Variants in THOP1 observed in about 807,000 individuals in gnomAD.
THOP1 encodes the protein thimet oligopeptidase 1, also known as thimet oligopeptidase.
Under a neutral mutation model 71.8 loss-of-function variants are expected in THOP1, and 49 were observed. The ratio of observed to expected loss-of-function variants is 0.68; its 90% CI spans 0.54 to 0.87. The LOEUF is 0.87. Ranked by LOEUF, THOP1 falls within the 40% of genes least tolerant of loss-of-function variation. The pLI is 0.00. For synonymous variants in THOP1, 426 were observed against 421.5 expected, an observed-to-expected ratio of 1.01 and a Z score of -0.13; for missense variants, 843 against 975.6, an observed-to-expected ratio of 0.86 and a Z score of 1.81.
In THOP1 at chr19:2,785,829, C is replaced by G. The variant is rs533346004; in HGVS notation, c.16+151C>G. On this transcript the variant is annotated intron_variant, in intron 1 of 12. Transcript: ENST00000307741. ...AGCGGGGGAGGTGGACGACCCTGCT[C>G]TCTCGTTTGCCGAATGAATGAACCA... is the stretch of plus-strand genomic sequence containing the variant. The G allele has an allele frequency of 9.2e-5, 58 of 633,510 alleles. No homozygotes were observed. The Middle Eastern group carries it at 1.6e-3, about 17-fold the overall frequency. 39.2% of individuals were successfully genotyped at this position (633,510 alleles called of 1,614,324 possible).
chr19:2,815,292 A>G lies in THOP1; in HGVS notation c.*2016A>G. ...CACACACAGCCTGGCCCATCACAGCAGAGCTGGGGTCACAGCCTTGGGCTG... is the reference window on the plus strand; with the variant it reads ...CACACACAGCCTGGCCCATCACAGCGGAGCTGGGGTCACAGCCTTGGGCTG... On this transcript the variant is annotated 3_prime_UTR_variant, in exon 13 of 13. Coordinates refer to ENST00000307741, the MANE Select transcript of THOP1 (RefSeq NM_003249.5). 1 of 152,336 alleles carries G rather than the reference A, an allele frequency of 6.6e-6. No individual in the cohort carries two copies. The highest frequency in any genetic ancestry group is 1.9e-4 in the East Asian group (1 of 5,200). The allele number at this position is 152,336 out of a possible 1,614,324, so 9.4% of individuals were successfully genotyped here.
rs779633093 is a variant in THOP1 at position 2,807,079 on chromosome 19, G to T, written c.886+27G>T. The T allele has an allele frequency of 1.9e-6, 3 of 1,594,566 alleles. No homozygotes were observed. The East Asian group carries it at 6.7e-5, about 36-fold the overall frequency. ...TAGCCCTTCCTTCCTCCTCCACTGG[G>T]GTCCCTGTGGGGAAGGTTCTCAGGG... On this transcript the variant is annotated intron_variant, in intron 7 of 12. Transcript: ENST00000307741.
At chr19:2,800,290 A>G (rs1055212791) in intron 5 of THOP1, among the ~76,000 whole-genome samples, 2 of 152,124 alleles carry the variant, frequency 1.3e-5, no homozygotes, top group African/African-American at 4.8e-5. Flanking sequence ...GGTTCAAGTG[A>G]TTCTCCTGTC....
chr19:2,794,712 G>C (rs557682057), intron 2 of THOP1, 52 bp from the exon 3 acceptor site: 29 of 1,575,666 alleles, frequency 1.8e-5, no homozygotes, highest in African/African-American at 2.7e-5. Context: ...ACACCTGCCA[G>C]TTGTACTGGG....
chr19:2,805,297 C>T lies in THOP1; in HGVS notation c.750+121C>T. 1 of 1,250,116 alleles carries T rather than the reference C, an allele frequency of 8.0e-7. No homozygotes were observed. Among genetic ancestry groups the T allele is most frequent in the Non-Finnish European group, 1.1e-6 (1 of 924,116 alleles). The allele number at this position is 1,250,116 out of a possible 1,614,324, so 77.4% of individuals were successfully genotyped here. A position where few individuals can be genotyped will look rare whatever the true frequency, so the allele number is the denominator to read the frequency against. On this transcript the variant is annotated intron_variant, in intron 6 of 12. Transcript: ENST00000307741. The surrounding 1 kb of genome is among the most constrained non-coding windows in gnomAD (Gnocchi z 6.6). ...TTGGATGGCCTCCCAATCTCCCTGG[C>T]CAGGCCCAGTGGCCAGCAGAGGCCT...
intron 9 of THOP1, 89 bp from the exon 10 acceptor site, chr19:2,810,214 GT>G: frequency 6.7e-7 from 1 of 1,487,694 alleles, no homozygotes; most frequent in Non-Finnish European, 9.0e-7. Flanking sequence ...CACTCGCCCT[GT>G]TTGCACTGTG....
chr19:2,796,240 G>T, intron 4 of THOP1, 52 bp downstream of exon 4: 1 of 1,438,886 alleles, frequency 6.9e-7, no homozygotes, highest in South Asian at 1.2e-5. Flanking sequence ...CGATCCCGGG[G>T]AGTGCTGGGC....
rs1916523389 is a variant in THOP1, at chr19:2,813,095, G to C, written c.1909-20G>C. ...CTCCCTGGGTCCCCACCCGGCCACAGTGCCCTGTCTCCTCGGCAGGTTGGC... is the reference window on the plus strand; with the variant it reads ...CTCCCTGGGTCCCCACCCGGCCACACTGCCCTGTCTCCTCGGCAGGTTGGC... On this transcript the variant is annotated intron_variant, in intron 12 of 12. Coordinates refer to ENST00000307741, the MANE Select transcript of THOP1 (RefSeq NM_003249.5). The C allele has an allele frequency of 1.9e-6, 3 of 1,597,970 alleles. No individual in the cohort carries two copies. Among genetic ancestry groups the C allele is most frequent in the Non-Finnish European group, 2.6e-6 (3 of 1,170,524 alleles).
At chr19:2,812,013 C>A (rs1916488884) in intron 12 of THOP1, 2 of 1,028,226 alleles carry the variant, frequency 1.9e-6, no homozygotes, top group Non-Finnish European at 2.7e-6. Context: ...ACAGCTCCTC[C>A]CTGGGCCCTG....
intron 5 of THOP1, among the ~76,000 whole-genome samples, chr19:2,802,689 G>A (rs1057209613): frequency 6.6e-6 from 1 of 152,186 alleles, no homozygotes; most frequent in African/African-American, 2.4e-5. Context: ...ACCTGTGAGT[G>A]TCCATCACTC....
rs372396885 is a variant in THOP1, at chr19:2,813,456, G to A, written c.*180G>A. 93 of 777,230 alleles carry A rather than the reference G, an allele frequency of 1.2e-4. No individual in the cohort carries two copies. The highest frequency in any genetic ancestry group is 8.0e-4 in the East Asian group (29 of 36,220). The allele number at this position is 777,230 out of a possible 1,614,324, so 48.1% of individuals were successfully genotyped here. A position where few individuals can be genotyped will look rare whatever the true frequency, so the allele number is the denominator to read the frequency against. On this transcript the variant is annotated 3_prime_UTR_variant, in exon 13 of 13. Coordinates refer to ENST00000307741, the MANE Select transcript of THOP1 (RefSeq NM_003249.5). ...GGTCGTGGCCCACCCGGCTAGAGAC[G>A]GCGTCCTCAAGGCATCTGGAGGGCT...
intron 4 of THOP1, among the ~76,000 whole-genome samples, chr19:2,796,485 G>A (rs1188385111): frequency 6.6e-6 from 1 of 150,948 alleles, no homozygotes; most frequent in Non-Finnish European, 1.5e-5. Flanking sequence ...CTGGGCATGG[G>A]GAGTACTGAG....
chr19:2,797,285 A>G (rs1202546828), intron 4 of THOP1, among the ~76,000 whole-genome samples: 2 of 152,066 alleles, frequency 1.3e-5, no homozygotes, highest in Non-Finnish European at 2.9e-5. Context: ...GTTGATTTGC[A>G]CGTGAAAGAT....
rs1362594071 is a variant in THOP1 at position 2,807,823 on chromosome 19, C to T, written c.1253+15C>T. The T allele has an allele frequency of 5.5e-6, 8 of 1,452,464 alleles. No individual in the cohort carries two copies. Among genetic ancestry groups the T allele is most frequent in the African/African-American group, 1.4e-5 (1 of 70,174 alleles). The allele number at this position is 1,452,464 out of a possible 1,614,324, so 90.0% of individuals were successfully genotyped here. On this transcript the variant is annotated intron_variant, in intron 8 of 12. Coordinates refer to ENST00000307741, the MANE Select transcript of THOP1 (RefSeq NM_003249.5). ...CTGTACCCGCGGTGGGTGAGGGCAG[C>T]GGGGGCGGGGGGCGCACCCCGGCCC...
At chr19:2,790,330 G>A (rs535363524) in intron 1 of THOP1, 91 bp from the exon 2 acceptor site, 1 of 1,245,922 alleles carries the variant, frequency 8.0e-7, no homozygotes, top group Non-Finnish European at 1.1e-6. Flanking sequence ...TGAGAAGCGG[G>A]TGATCCCTTC....
rs374744517 is a variant in THOP1 at position 2,798,934 on chromosome 19, AG to A, written c.487-752del. Among the ~76,000 whole-genome samples the A allele has an allele frequency of 6.7e-3, 1,016 of 152,360 alleles. 15 individuals are homozygous for A. Among genetic ancestry groups the A allele is most frequent in the African/African-American group, 0.023 (960 of 41,586 alleles). ...ACCTCCCAGCCTTCAAGGCCACCAG[AG>A]GGACCACTCAAGATTCAGTTCCTTT... On this transcript the variant is annotated intron_variant, in intron 4 of 12. Coordinates refer to ENST00000307741, the MANE Select transcript of THOP1 (RefSeq NM_003249.5).
At chr19:2,803,545 C>G (rs968417583) in intron 5 of THOP1, among the ~76,000 whole-genome samples, 1 of 152,248 alleles carries the variant, frequency 6.6e-6, no homozygotes, top group South Asian at 2.1e-4. Context: ...GCTGGGCCCC[C>G]CAGCTGTCTC....
chr19:2,808,962 G>C (rs116697985), intron 9 of THOP1, among the ~76,000 whole-genome samples: 1 of 152,204 alleles, frequency 6.6e-6, no homozygotes, highest in Admixed American at 6.5e-5. Context: ...GGAGGCCGAG[G>C]TGGGTAGATC....
Position 2,794,927 on chromosome 19 carries a change from C to T in THOP1, c.378+15C>T, listed in dbSNP as rs766624932. The T allele has an allele frequency of 8.1e-6, 13 of 1,600,416 alleles. No homozygotes were observed. The highest frequency in any genetic ancestry group is 5.0e-5 in the Admixed American group (3 of 59,740). Reference sequence around the variant, plus strand: ...TGTGGCTCCAGGTGAGGGGGCCCTGCGGGGAGTGCAAATAGCCTCCCAAGT... The same window carrying T: ...TGTGGCTCCAGGTGAGGGGGCCCTGTGGGGAGTGCAAATAGCCTCCCAAGT... On this transcript the variant is annotated intron_variant, in intron 3 of 12. Coordinates refer to ENST00000307741, the MANE Select transcript of THOP1 (RefSeq NM_003249.5).
Sources: gnomAD v4.1 joint callset for allele counts (sites outside exome capture counted in the v4.1 genomes callset) on GRCh38, gnomAD v4.1.1 for gene constraint, Gnocchi (gnomAD v3.1) non-coding constraint, MANE v1.5 for transcripts, NCBI Gene and HGNC (gene_info 2026-07-23, HGNC 2026-07-21) for gene names.